The following MYL3 variants were observed in gnomAD, a reference collection of about 807,000 sequenced individuals.
The protein encoded by MYL3 is CMLC1.
Under a neutral mutation model 21.3 loss-of-function variants are expected in MYL3, and 11 were observed. The observed-to-expected ratio is 0.52, with a 90% CI of 0.32 to 0.85. The LOEUF is 0.85. Among genes scored for constraint, MYL3 ranks in the 40% least tolerant of loss-of-function variants. MYL3 has a pLI of 0.03. For synonymous variants in MYL3, 88 were observed against 91.6 expected, an observed-to-expected ratio of 0.96 and a Z score of 0.22; for missense variants, 206 against 253.3, an observed-to-expected ratio of 0.81 and a Z score of 1.27.
At chr3:46,873,567 G>A (rs2030023723) in intron 1 of MYL3, among the ~76,000 whole-genome samples, 1 of 152,224 alleles carries the variant, frequency 6.6e-6, no homozygotes, top group Non-Finnish European at 1.5e-5. Context: ...TGAGTTTAAG[G>A]GCGGGGGTGG....
At chr3:46,871,137 T>TA (rs1404842576) in intron 1 of MYL3, among the ~76,000 whole-genome samples, 1 of 152,104 alleles carries the variant, frequency 6.6e-6, no homozygotes, top group Non-Finnish European at 1.5e-5. Flanking sequence ...CTCACGGGTA[T>TA]AGAAAGAACA....
Position 46,863,318 on chromosome 3 carries a change from G to A in MYL3, c.73C>T (p.Pro25Ser), listed in dbSNP as rs369256548. 3.7e-6 allele frequency: 6 copies of A among 1,613,980 alleles called. No homozygotes were observed. Among genetic ancestry groups the A allele is most frequent in the African/African-American group, 1.3e-5 (1 of 74,926 alleles). Residue 25 changes from proline to serine, a missense_variant, in exon 1 of 7, where the codon CCT (proline) becomes TCT (serine). Coordinates refer to ENST00000292327, the MANE Select transcript of MYL3 (RefSeq NM_000258.3). The stretch of plus-strand genomic sequence containing the variant: ...TTAGGGCGCTCAGGCTCAGGGGGAG[G>A]TGCGGGAGCTGGAGCTGCCTTGGGG... ...AAPKAAPAPA[P>S]PPEPERPKEV...
upstream of MYL3, among the ~76,000 whole-genome samples, chr3:46,865,838 G>A (rs1450571065): frequency 6.6e-6 from 1 of 152,136 alleles, no homozygotes; most frequent in Non-Finnish European, 1.5e-5. The surrounding 1 kb of genome is among the most constrained non-coding windows in gnomAD (Gnocchi z 4.3). Flanking sequence ...GCAGGGACAG[G>A]GTGCACAGAG....
Position 46,879,749 on chromosome 3 carries a change from GA to G in MYL3, c.-218+2324del, listed in dbSNP as rs972985965. Among the ~76,000 whole-genome samples, 15 of 144,806 alleles carry G rather than the reference GA, an allele frequency of 1.0e-4. No individual in the cohort carries two copies. Among genetic ancestry groups the G allele is most frequent in the East Asian group, 2.0e-4 (1 of 4,890 alleles). 95.0% of individuals were successfully genotyped at this position (144,806 alleles called of 152,430 possible). A position where few individuals can be genotyped will look rare whatever the true frequency, so the allele number is the denominator to read the frequency against. On this transcript the variant is annotated intron_variant, in intron 1 of 3. Transcript: ENST00000431168. The surrounding 1 kb of genome is among the most constrained non-coding windows in gnomAD (Gnocchi z 4.7). ...GTGACACAGCAAGACCCTGTCTGGG[GA>G]AAAAAAAAATGCTGCGTGTGGTGGC...
upstream of MYL3, among the ~76,000 whole-genome samples, chr3:46,867,427 G>T (rs995388933): frequency 6.6e-6 from 1 of 152,368 alleles, no homozygotes; most frequent in Non-Finnish European, 1.5e-5. Flanking sequence ...GGGGGTAGCT[G>T]CTTGGCAGAC....
chr3:46,878,296 C>T (rs536100795), intron 1 of MYL3, among the ~76,000 whole-genome samples: 49 of 152,332 alleles, frequency 3.2e-4, no homozygotes, highest in African/African-American at 1.1e-3. Flanking sequence ...TCACTTATGG[C>T]CTAGCCATCC....
At chr3:46,863,928 G>T (rs880155), upstream of MYL3, among the ~76,000 whole-genome samples, 1,565 of 152,074 alleles carry the variant, frequency 0.01, 33 homozygotes, top group African/African-American at 0.035. Flanking sequence ...GGGGAAGGCG[G>T]AAGTCAGCAT....
rs1701949170 is a variant in MYL3, at chr3:46,858,118, T to G, written c.*14-17A>C. ...CTGGGCTTCCTGAGAGCAAAGGCAGTGCAGATTACAGAGGAGGAGGGAGAC... is the reference window on the plus strand; with the variant it reads ...CTGGGCTTCCTGAGAGCAAAGGCAGGGCAGATTACAGAGGAGGAGGGAGAC... On this transcript the variant is annotated splice_polypyrimidine_tract_variant and intron_variant, in intron 6 of 6. Coordinates refer to ENST00000292327, the MANE Select transcript of MYL3 (RefSeq NM_000258.3). 8.0e-7 allele frequency: 1 copy of G among 1,255,278 alleles called. No individual in the cohort carries two copies. The highest frequency in any genetic ancestry group is 1.7e-5 in the Admixed American group (1 of 57,242). 77.8% of individuals were successfully genotyped at this position (1,255,278 alleles called of 1,614,324 possible). A position where few individuals can be genotyped will look rare whatever the true frequency, so the allele number is the denominator to read the frequency against.
At chr3:46,881,513 G>A (rs966129897) in intron 1 of MYL3, among the ~76,000 whole-genome samples, 3 of 152,178 alleles carry the variant, frequency 2.0e-5, no homozygotes, top group African/African-American at 4.8e-5. Flanking sequence ...TGGCAGCCTC[G>A]AGCCTCCGGG....
At chr3:46,872,947 G>C (rs896199838) in intron 1 of MYL3, among the ~76,000 whole-genome samples, 5 of 152,232 alleles carry the variant, frequency 3.3e-5, no homozygotes, top group Non-Finnish European at 4.4e-5. Flanking sequence ...AAGAGGTAAG[G>C]GAGCAGGGTG....
intron 1 of MYL3, among the ~76,000 whole-genome samples, chr3:46,881,415 G>A (rs1306320477): frequency 6.6e-6 from 1 of 152,168 alleles, no homozygotes; most frequent in Non-Finnish European, 1.5e-5. Flanking sequence ...GGCCCGGTCC[G>A]AGCCGGCCGA....
In MYL3 at chr3:46,860,598, C is replaced by A; in HGVS notation, c.307+78G>T. The A allele has an allele frequency of 6.3e-7, 1 of 1,587,008 alleles. No homozygotes were observed. Among genetic ancestry groups the A allele is most frequent in the Non-Finnish European group, 8.6e-7 (1 of 1,169,198 alleles). ...ATGTCAGGAAAGATTCTCGTGCTAT[C>A]CCGCAGGATGGATGGCAGCCCACCC... On this transcript the variant is annotated intron_variant, in intron 3 of 6. Coordinates refer to ENST00000292327, the MANE Select transcript of MYL3 (RefSeq NM_000258.3). This position sits in a 1 kb window ranked among gnomAD's most constrained non-coding sequence, Gnocchi z 4.6.
At chr3:46,881,405 G>A (rs909585564) in intron 1 of MYL3, among the ~76,000 whole-genome samples, 2 of 152,174 alleles carry the variant, frequency 1.3e-5, no homozygotes, top group Non-Finnish European at 2.9e-5. Flanking sequence ...GGTCCCAGGC[G>A]GCCCGGTCCG....
intron 1 of MYL3, among the ~76,000 whole-genome samples, chr3:46,862,492 G>A (rs543154430): frequency 2.2e-4 from 33 of 152,292 alleles, no homozygotes; most frequent in Non-Finnish European, 2.9e-4. Flanking sequence ...CAGGGATGGC[G>A]AGGGTTCCAC....
At chr3:46,865,967 C>A (rs1702045714), upstream of MYL3, among the ~76,000 whole-genome samples, 1 of 152,088 alleles carries the variant, frequency 6.6e-6, no homozygotes, top group African/African-American at 2.4e-5. The surrounding 1 kb of genome is among the most constrained non-coding windows in gnomAD (Gnocchi z 4.3). Context: ...CAGGACTCAC[C>A]CACAGGCCCA....
upstream of MYL3, chr3:46,863,599 A>G: frequency 1.8e-6 from 1 of 565,956 alleles, no homozygotes; most frequent in East Asian, 3.1e-5. Flanking sequence ...CAGGCTCAGG[A>G]ATGGGTAGTG....
In MYL3 at chr3:46,879,317, C is replaced by A. The variant is rs2030414490; in HGVS notation, c.-218+2757G>T. On this transcript the variant is annotated intron_variant, in intron 1 of 3. Coordinates refer to the MYL3 transcript ENST00000431168. This position sits in a 1 kb window ranked among gnomAD's most constrained non-coding sequence, Gnocchi z 4.7. The stretch of plus-strand genomic sequence containing the variant: ...CCTGGTGTCAGATCTGAAAAGAACT[C>A]CTCCCCTCAGCCTCTAGTTTTATCT... Among the ~76,000 whole-genome samples, 1 of 152,240 alleles carries A rather than the reference C, an allele frequency of 6.6e-6. No individual in the cohort carries two copies.
At chr3:46,871,693 C>T (rs1352815888) in intron 1 of MYL3, among the ~76,000 whole-genome samples, 3 of 152,176 alleles carry the variant, frequency 2.0e-5, no homozygotes, top group Non-Finnish European at 2.9e-5. Context: ...ACAAGAACCC[C>T]CAAATGCAGA....
In MYL3 at chr3:46,859,720, TGAG is replaced by T. The variant is rs1701970186; in HGVS notation, c.308-75_308-73del. On this transcript the variant is annotated intron_variant, in intron 3 of 6. Coordinates refer to ENST00000292327, the MANE Select transcript of MYL3 (RefSeq NM_000258.3). This position sits in a 1 kb window ranked among gnomAD's most constrained non-coding sequence, Gnocchi z 4.1. ...CACACCCCTCCCCCATGCCTGATAA[TGAG>T]GAGCTATCCCCACCTCTCACACAGT... is the stretch of plus-strand genomic sequence containing the variant. 9.8e-6 allele frequency: 15 copies of T among 1,533,534 alleles called. No homozygotes were observed. The highest frequency in any genetic ancestry group is 1.4e-5 in the Non-Finnish European group (15 of 1,107,628). The allele number at this position is 1,533,534 out of a possible 1,614,324, so 95.0% of individuals were successfully genotyped here.
Sources: gnomAD v4.1 joint callset for allele counts (sites outside exome capture counted in the v4.1 genomes callset) on GRCh38, gnomAD v4.1.1 for gene constraint, Gnocchi (gnomAD v3.1) non-coding constraint, MANE v1.5 for transcripts, NCBI Gene and HGNC (gene_info 2026-07-23, HGNC 2026-07-21) for gene names.